LAP3: variants seen among roughly 807,000 people sequenced by gnomAD.
The protein encoded by LAP3 is leucine aminopeptidase 3.
Under a neutral mutation model 58.8 loss-of-function variants are expected in LAP3, and 46 were observed. The ratio of observed to expected loss-of-function variants is 0.78; its 90% confidence interval spans 0.62 to 1.00. The LOEUF is 1.00. LAP3 is among the 50% of genes least tolerant of loss of function. LAP3 has a pLI of 0.00. For missense variants in LAP3, 615 were observed against 659.1 expected, an observed-to-expected ratio of 0.93 and a Z score of 0.73; for synonymous variants, 257 against 237.7, an observed-to-expected ratio of 1.08 and a Z score of -0.75.
intron 11 of LAP3, among the ~76,000 whole-genome samples, chr4:17,606,038 T>C (rs567363975): frequency 2.6e-5 from 4 of 152,326 alleles, no homozygotes; most frequent in African/African-American, 9.6e-5. Flanking sequence ...TACTAGCCTG[T>C]AGGCCCTTGG....
intron 10 of LAP3, among the ~76,000 whole-genome samples, chr4:17,600,014 G>A (rs1713945367): frequency 6.6e-6 from 1 of 152,134 alleles, no homozygotes; most frequent in Non-Finnish European, 1.5e-5. Context: ...CTGGAGGGCT[G>A]GGAATAGATT....
intron 3 of LAP3, 166 bp from the exon 4 acceptor site, chr4:17,582,121 GT>G (rs1195093514): frequency 2.0e-5 from 13 of 641,160 alleles, no homozygotes; most frequent in Non-Finnish European, 3.3e-5. Flanking sequence ...GGACACAAAG[GT>G]TTTAAGAAAA....
chr4:17,590,546 A>G (rs1426627455), intron 7 of LAP3, among the ~76,000 whole-genome samples: 1 of 152,150 alleles, frequency 6.6e-6, no homozygotes, highest in Non-Finnish European at 1.5e-5. Context: ...TATGCATTAT[A>G]CTATTGTACT....
chr4:17,594,201 G>T (rs967210006), intron 7 of LAP3, among the ~76,000 whole-genome samples: 1 of 151,912 alleles, frequency 6.6e-6, no homozygotes, highest in Non-Finnish European at 1.5e-5. Flanking sequence ...CATAGTCATA[G>T]GAATTAGAGA....
intron 10 of LAP3, among the ~76,000 whole-genome samples, chr4:17,602,609 T>C (rs1451463510): frequency 6.6e-6 from 1 of 152,232 alleles, no homozygotes; most frequent in Non-Finnish European, 1.5e-5. Context: ...TTAGATTCCT[T>C]AAATTATGAT....
chr4:17,581,601 C>A (rs1184328975), intron 2 of LAP3, among the ~76,000 whole-genome samples, 159 bp from the exon 3 acceptor site: 1 of 151,570 alleles, frequency 6.6e-6, no homozygotes, highest in Admixed American at 6.6e-5. Flanking sequence ...AGAAAGAAAT[C>A]TGGCTTGAGA....
At chr4:17,577,771 C>T (rs1456888279) in intron 1 of LAP3, among the ~76,000 whole-genome samples, 1 of 152,248 alleles carries the variant, frequency 6.6e-6, no homozygotes, top group Non-Finnish European at 1.5e-5. Context: ...GATTCCCCTG[C>T]TCGGGGCTAG....
At position 17,581,789 on chromosome 4, in the gene LAP3, C is replaced by T. The variant is rs1476141925; in HGVS notation, c.248C>T (p.Thr83Ile). ...GGACCACCTCTGAAGGCAGGGAAGA[C>T]TCGAACCTTTTATGGTCTGCATCAG... ...ISGPPLKAGK[T>I]RTFYGLHQDF... Residue 83 changes from threonine to isoleucine, a missense_variant, in exon 3 of 13, where the codon ACT becomes ATT. Coordinates refer to ENST00000226299, the MANE Select transcript of LAP3 (RefSeq NM_015907.3). 44 of 1,613,792 alleles carry T rather than the reference C, an allele frequency of 2.7e-5. No homozygotes were observed. The East Asian group carries it at 8.5e-4, about 31-fold the overall frequency.
intron 10 of LAP3, among the ~76,000 whole-genome samples, chr4:17,600,524 A>G (rs1713956969): frequency 6.6e-6 from 1 of 152,206 alleles, no homozygotes; most frequent in Admixed American, 6.5e-5. Context: ...CATAACGTTC[A>G]TAATTACCAC....
At chr4:17,596,209 C>G (rs1469335996) in intron 8 of LAP3, among the ~76,000 whole-genome samples, 2 of 152,096 alleles carry the variant, frequency 1.3e-5, no homozygotes, top group South Asian at 4.1e-4. Flanking sequence ...ACGACACGTC[C>G]TCTAAGAAAA....
At position 17,583,477 on chromosome 4, in the gene LAP3, T is replaced by G; in HGVS notation, c.380-6T>G. On this transcript the variant is annotated splice_polypyrimidine_tract_variant and splice_region_variant and intron_variant, in intron 4 of 12. Coordinates refer to ENST00000226299, the MANE Select transcript of LAP3 (RefSeq NM_015907.3). ...TCCAGTTTTCTGATTCCTCTGTCTT[T>G]TCAAGCGGGGTGCAGGCAGATTCAA... 1 of 1,613,404 alleles carries G rather than the reference T, an allele frequency of 6.2e-7. No individual in the cohort carries two copies. Among genetic ancestry groups the G allele is most frequent in the Non-Finnish European group, 8.5e-7 (1 of 1,179,984 alleles).
Position 17,597,052 on chromosome 4 carries a change from C to T in LAP3, c.995C>T (p.Ala332Val). The T allele has an allele frequency of 6.2e-7, 1 of 1,614,132 alleles. No homozygotes were observed. The highest frequency in any genetic ancestry group is 8.5e-7 in the Non-Finnish European group (1 of 1,179,976). Reference sequence around the variant, plus strand: ...CATATATTATTTCCAATAGGTCTGGCCCCTCTTTGTGAAAATATGCCCAGC... The same window carrying T: ...CATATATTATTTCCAATAGGTCTGGTCCCTCTTTGTGAAAATATGCCCAGC... ...LNLPINIIGL[A>V]PLCENMPSGK... The change falls in exon 9 of 13, where the codon GCC becomes GTC. Residue 332 changes from alanine to valine, a missense_variant. Transcript: ENST00000226299.
At chr4:17,605,315 G>A (rs775681792) in intron 11 of LAP3, among the ~76,000 whole-genome samples, 6 of 152,284 alleles carry the variant, frequency 3.9e-5, no homozygotes, top group East Asian at 1.9e-4. Flanking sequence ...GTCTCCTGAC[G>A]TGTTTGTTCC....
intron 5 of LAP3, 184 bp from the exon 6 acceptor site, chr4:17,584,788 T>G (rs180807956): frequency 1.9e-6 from 1 of 536,234 alleles, no homozygotes; most frequent in East Asian, 3.2e-5. Flanking sequence ...TCTAGCTTTC[T>G]GCACCATACC....
In LAP3 at chr4:17,607,665, G is replaced by A. The variant is rs530986098; in HGVS notation, c.*76G>A. 3 of 1,128,462 alleles carry A rather than the reference G, an allele frequency of 2.7e-6. No homozygotes were observed. Among genetic ancestry groups the A allele is most frequent in the Non-Finnish European group, 3.7e-6 (3 of 813,968 alleles). 69.9% of individuals were successfully genotyped at this position (1,128,462 alleles called of 1,614,324 possible). A position where few individuals can be genotyped will look rare whatever the true frequency, so the allele number is the denominator to read the frequency against. ...TTAAAAGGTTTTTGAATAAATGGAT[G>A]AAAATCTTTTAACGGAGACAAAGGA... is the stretch of plus-strand genomic sequence containing the variant. On this transcript the variant is annotated 3_prime_UTR_variant, in exon 13 of 13. Transcript: ENST00000226299.
At chr4:17,587,127 G>A (rs912833828) in intron 6 of LAP3, among the ~76,000 whole-genome samples, 23 of 152,152 alleles carry the variant, frequency 1.5e-4, no homozygotes, top group African/African-American at 5.3e-4. Flanking sequence ...GGAGCCTAAG[G>A]AGAGTCCTGC....
intron 11 of LAP3, among the ~76,000 whole-genome samples, chr4:17,605,772 A>T (rs1040130221): frequency 1.3e-5 from 2 of 152,052 alleles, no homozygotes; most frequent in African/African-American, 4.8e-5. Context: ...CATGGCACCC[A>T]CAATATTGTT....
chr4:17,579,910 A>C lies in LAP3; in HGVS notation c.189A>C (p.Leu63Phe). The C allele has an allele frequency of 6.2e-7, 1 of 1,609,878 alleles. No individual in the cohort carries two copies. Among genetic ancestry groups the C allele is most frequent in the Non-Finnish European group, 8.5e-7 (1 of 1,176,700 alleles). The change falls in exon 2 of 13, where the codon TTA (leucine) becomes TTC (phenylalanine). Residue 63 changes from leucine (L) to phenylalanine (F), a missense_variant. Physicochemically the swap from Leu to Phe is conservative, Grantham distance 22 (BLOSUM62 0). Transcript: ENST00000226299. ...CAGGAGAGAATTTTGATAAATTGTTAGCTGGAAAGCTGAGAGAGACTTTGA... is the reference window on the plus strand; with the variant it reads ...CAGGAGAGAATTTTGATAAATTGTTCGCTGGAAAGCTGAGAGAGACTTTGA... The part of the protein sequence containing the change: ...TSAGENFDKL[L>F]AGKLRETLNI...
At chr4:17,585,305 T>C (rs542088157) in intron 6 of LAP3, 169 bp downstream of exon 6, 2 of 561,568 alleles carry the variant, frequency 3.6e-6, no homozygotes, top group Non-Finnish European at 6.4e-6. Context: ...TTGAGGTTCT[T>C]TCTATCTTTC....
Sources: allele counts gnomAD v4.1 joint callset (sites outside exome capture counted in the v4.1 genomes callset), GRCh38; gene constraint gnomAD v4.1.1; transcripts MANE v1.5; gene names NCBI Gene and HGNC (gene_info 2026-07-23, HGNC 2026-07-21).